The following EYA1 variants were observed in gnomAD, a reference collection of about 807,000 sequenced individuals.
EYA1 encodes the protein EYA transcriptional coactivator and phosphatase 1.
EYA1 carries 16 observed loss-of-function variants against 82.0 expected under a neutral mutation model. The ratio of observed to expected loss-of-function variants is 0.20; its 90% confidence interval spans 0.13 to 0.30. The LOEUF is 0.30. EYA1 is among the 10% of genes least tolerant of loss of function. The pLI, the probability that EYA1 is intolerant of heterozygous loss-of-function variation, is 1.00. For missense variants in EYA1, 633 were observed against 730.7 expected (o/e 0.87, Z 1.54); for synonymous variants, 261 against 264.4 (o/e 0.99, Z 0.12).
intron 17 of EYA1, 22 bp from the exon 18 acceptor site, chr8:71,199,442 A>C: frequency 6.3e-7 from 1 of 1,590,108 alleles, no homozygotes; most frequent in Non-Finnish European, 8.6e-7. Flanking sequence ...GCACACATAC[A>C]TGTGAGGACA....
In EYA1 at chr8:71,361,810, A is replaced by AG; in HGVS notation, c.-219dup. On this transcript the variant is annotated 5_prime_UTR_variant, in exon 1 of 18. It removes the in-frame stop codon of an upstream open reading frame in the 5' UTR. Transcript: ENST00000340726. ...GCTTCTGGGAGTGGAGCGCCTCTGC[A>AG]GGGGAAAGCTCGGCGCAGGGGGCAG... 1 of 985,434 alleles carries AG rather than the reference A, an allele frequency of 1.0e-6. No homozygotes were observed. The highest frequency in any genetic ancestry group is 1.7e-5 in the African/African-American group (1 of 57,346). The allele number at this position is 985,434 out of a possible 1,614,324, so 61.0% of individuals were successfully genotyped here.
intron 7 of EYA1, among the ~76,000 whole-genome samples, chr8:71,313,296 G>A (rs1427733453): frequency 2.0e-5 from 3 of 151,750 alleles, no homozygotes; most frequent in African/African-American, 7.3e-5. Flanking sequence ...TTTTTGCTAT[G>A]CTTATTTGGT....
chr8:71,323,201 G>C (rs969079734), intron 4 of EYA1, among the ~76,000 whole-genome samples: 2 of 151,880 alleles, frequency 1.3e-5, no homozygotes, highest in African/African-American at 4.8e-5. Flanking sequence ...ACATATTTAC[G>C]TTTATGGGTA....
chr8:71,213,802 T>A (rs1342213739), intron 16 of EYA1, among the ~76,000 whole-genome samples: 1 of 152,228 alleles, frequency 6.6e-6, no homozygotes, highest in Non-Finnish European at 1.5e-5. Context: ...TGTGCCGCTA[T>A]TGACGCACGT....
intron 2 of EYA1, chr8:71,529,745 A>G (rs1408239959): frequency 2.0e-5 from 3 of 152,192 alleles, no homozygotes; most frequent in Non-Finnish European, 4.4e-5. Context: ...GTTAGCCAGC[A>G]CTGTGCAAGG....
intron 2 of EYA1, among the ~76,000 whole-genome samples, chr8:71,426,576 C>T (rs1380604812): frequency 2.6e-5 from 4 of 152,212 alleles, no homozygotes; most frequent in Non-Finnish European, 4.4e-5. Flanking sequence ...CGTGGTTTGC[C>T]TTGCCCTTGG....
rs188904823 is a variant in EYA1 at position 71,317,763 on chromosome 8, C to A, written c.419-74G>T. On this transcript the variant is annotated intron_variant, in intron 6 of 17. Transcript: ENST00000340726. The stretch of plus-strand genomic sequence containing the variant: ...GTAAATATACAAAAACATACACTTC[C>A]ACAACCGTTTAACTACAAATGCTTC... 3.4e-5 allele frequency: 48 copies of A among 1,412,852 alleles called. No homozygotes were observed. In the East Asian group the frequency reaches 1.0e-3, roughly 30 times the overall value. 87.5% of individuals were successfully genotyped at this position (1,412,852 alleles called of 1,614,324 possible). A position where few individuals can be genotyped will look rare whatever the true frequency, so the allele number is the denominator to read the frequency against.
chr8:71,232,463 T>A (rs1358433099), intron 12 of EYA1, among the ~76,000 whole-genome samples: 2 of 152,240 alleles, frequency 1.3e-5, no homozygotes, highest in East Asian at 3.9e-4. Context: ...CAAGGAAACG[T>A]GTCTTTTTAC....
intron 7 of EYA1, among the ~76,000 whole-genome samples, chr8:71,315,409 C>T (rs1265972839): frequency 1.3e-5 from 2 of 152,184 alleles, no homozygotes; most frequent in African/African-American, 4.8e-5. Context: ...TAGCTCTGCT[C>T]TGGGCAGGGC....
chr8:71,381,765 A>T (rs913263214), intron 2 of EYA1, among the ~76,000 whole-genome samples: 1 of 152,200 alleles, frequency 6.6e-6, no homozygotes, highest in Admixed American at 6.5e-5. Context: ...AGAAATGTCT[A>T]CATCCCCCTC....
intron 2 of EYA1, among the ~76,000 whole-genome samples, chr8:71,415,718 G>A (rs1410890227): frequency 2.0e-5 from 3 of 152,134 alleles, no homozygotes; most frequent in East Asian, 3.9e-4. Context: ...CTATAGACAC[G>A]ACTTGGCCCC....
intron 2 of EYA1, among the ~76,000 whole-genome samples, chr8:71,398,058 C>A (rs1242910682): frequency 1.3e-5 from 2 of 152,156 alleles, no homozygotes; most frequent in African/African-American, 4.8e-5. Flanking sequence ...ATCACTGACA[C>A]CCTGTCTTCC....
intron 3 of EYA1, among the ~76,000 whole-genome samples, chr8:71,346,152 T>C (rs1242698355): frequency 1.3e-5 from 2 of 152,114 alleles, no homozygotes; most frequent in Non-Finnish European, 2.9e-5. Flanking sequence ...AGGTTAAGCA[T>C]CACCAGCATG....
chr8:71,538,259 A>T (rs534880885), intron 1 of EYA1, among the ~76,000 whole-genome samples: 16 of 152,294 alleles, frequency 1.1e-4, no homozygotes, highest in African/African-American at 3.9e-4. Context: ...TGGAATTGCA[A>T]TTATTTCTCT....
chr8:71,392,361 C>T (rs1192121048), intron 2 of EYA1, among the ~76,000 whole-genome samples: 2 of 152,164 alleles, frequency 1.3e-5, no homozygotes, highest in Non-Finnish European at 2.9e-5. Context: ...AGCTACAGCG[C>T]TGTGACTAGA....
intron 9 of EYA1, among the ~76,000 whole-genome samples, chr8:71,277,092 CA>C (rs1817263229): frequency 7.0e-6 from 1 of 143,466 alleles, no homozygotes; most frequent in Non-Finnish European, 1.5e-5. Flanking sequence ...CTGAAAGTGC[CA>C]TGCTATTTCA....
rs111842348 is a variant in EYA1 at position 71,438,638 on chromosome 8, C to T, written c.34-82127G>A. Reference sequence around the variant, plus strand: ...GAAGCATGTGAGGGTTACAATGATGCCTGAAATGTGGAGAGTGTGAGCAGA... The same window carrying T: ...GAAGCATGTGAGGGTTACAATGATGTCTGAAATGTGGAGAGTGTGAGCAGA... On this transcript the variant is annotated intron_variant, in intron 2 of 18. Transcript: ENST00000643681. Among the ~76,000 whole-genome samples, 1,367 of 152,110 alleles carry T rather than the reference C, an allele frequency of 9.0e-3. 27 individuals carry two copies. Among genetic ancestry groups the T allele is most frequent in the African/African-American group, 0.032 (1,328 of 41,470 alleles).
At chr8:71,488,543 G>C (rs941181967) in intron 2 of EYA1, among the ~76,000 whole-genome samples, 1 of 152,162 alleles carries the variant, frequency 6.6e-6, no homozygotes. Flanking sequence ...CCGATCAGTC[G>C]TGCCAGAAGT....
chr8:71,509,751 T>A (rs932764194), intron 2 of EYA1, among the ~76,000 whole-genome samples: 4 of 152,178 alleles, frequency 2.6e-5, no homozygotes, highest in African/African-American at 9.6e-5. Flanking sequence ...CATTTTTATT[T>A]TAAGAATATA....
Sources: gnomAD v4.1 joint callset for allele counts (sites outside exome capture counted in the v4.1 genomes callset) on GRCh38, gnomAD v4.1.1 for gene constraint, MANE v1.5 for transcripts, NCBI Gene and HGNC (gene_info 2026-07-23, HGNC 2026-07-21) for gene names.